Variants in CLVS1 observed in about 807,000 individuals in gnomAD.
The protein encoded by CLVS1 is clavesin-1.
In CLVS1, 10 loss-of-function variants were observed where a neutral mutation model predicts 33.1. The observed-to-expected ratio is 0.30, with a 90% CI of 0.19 to 0.51. The LOEUF (loss-of-function observed/expected upper bound fraction) is 0.51, where lower values mean the gene tolerates loss of function less well. CLVS1 is among the 20% of genes least tolerant of loss of function. The probability of loss-of-function intolerance (pLI) is 0.97; values close to 1 mark genes in which losing one functional copy is unlikely to be tolerated. For synonymous variants in CLVS1, 163 were observed against 166.1 expected (o/e 0.98, Z 0.14); for missense variants, 343 against 433.4 (o/e 0.79, Z 1.85).
At chr8:61,313,535 A>G (rs1390035596) in intron 2 of CLVS1, among the ~76,000 whole-genome samples, 1 of 152,174 alleles carries the variant, frequency 6.6e-6, no homozygotes, top group Non-Finnish European at 1.5e-5. Flanking sequence ...AGGAGGGATC[A>G]ATGCTGCCTC....
chr8:61,254,458 G>A lies in CLVS1; in HGVS notation c.-151-45219G>A, dbSNP rs374077886. ...ACTCTCTTCAAAGCTGTCAGACAGG[G>A]ACATTTAAGTCTGCAGAGGTTTCTG... On this transcript the variant is annotated intron_variant, in intron 2 of 2. Transcript: ENST00000522621. Among the ~76,000 whole-genome samples, 296 of 152,314 alleles carry A rather than the reference G, an allele frequency of 1.9e-3. 1 individual carries two copies. Among genetic ancestry groups the A allele is most frequent in the South Asian group, 0.015 (73 of 4,824 alleles).
intron 2 of CLVS1, among the ~76,000 whole-genome samples, chr8:61,164,729 G>A (rs1026769285): frequency 6.6e-6 from 1 of 152,110 alleles, no homozygotes; most frequent in Non-Finnish European, 1.5e-5. Flanking sequence ...TTTTCTCTTT[G>A]TTGGAATCCC....
the CLVS1 span, among the ~76,000 whole-genome samples, chr8:60,987,685 A>C: frequency 6.6e-6 from 1 of 152,222 alleles, no homozygotes; most frequent in Non-Finnish European, 1.5e-5. Flanking sequence ...GATATCAGGC[A>C]CTGAGCACAG....
the CLVS1 span, among the ~76,000 whole-genome samples, chr8:61,006,102 G>A: frequency 8.3e-4 from 127 of 152,230 alleles, no homozygotes; most frequent in African/African-American, 2.9e-3. Flanking sequence ...AATAAATAGC[G>A]CCTCTTCTCT....
intron 1 of CLVS1, among the ~76,000 whole-genome samples, chr8:61,074,803 A>G (rs1441383655): frequency 6.6e-6 from 1 of 152,176 alleles, no homozygotes; most frequent in Admixed American, 6.5e-5. Flanking sequence ...AAAGATGAAT[A>G]TAAAGTGCCT....
chr8:61,493,549 C>G (rs1804170276), intron 5 of CLVS1, among the ~76,000 whole-genome samples: 1 of 152,180 alleles, frequency 6.6e-6, no homozygotes, highest in South Asian at 2.1e-4. Context: ...CCCAAGATCA[C>G]AAAGCAAGTG....
the CLVS1 span, among the ~76,000 whole-genome samples, chr8:61,043,673 T>C: frequency 1.3e-5 from 2 of 152,208 alleles, no homozygotes; most frequent in Admixed American, 6.5e-5. Context: ...GTCCCAGGTA[T>C]ATGTTGATTC....
At position 61,339,472 on chromosome 8, in the gene CLVS1, G is replaced by A. The variant is rs148695169; in HGVS notation, c.456-37133G>A. Among the ~76,000 whole-genome samples the A allele has an allele frequency of 6.1e-4, 93 of 152,276 alleles. No individual in the cohort carries two copies. In the East Asian group the frequency reaches 0.016, roughly 26 times the overall value. On this transcript the variant is annotated intron_variant, in intron 2 of 5. Coordinates refer to ENST00000325897, the MANE Select transcript of CLVS1 (RefSeq NM_173519.3). ...AGCAGCTGTGAGAGGCATGCAAGTGGCCCAGCCCAGAGCTGGGCCTGTGAG... is the reference window on the plus strand; with the variant it reads ...AGCAGCTGTGAGAGGCATGCAAGTGACCCAGCCCAGAGCTGGGCCTGTGAG...
intron 1 of CLVS1, among the ~76,000 whole-genome samples, chr8:61,123,586 TA>T (rs1051293480): frequency 6.6e-6 from 1 of 152,264 alleles, no homozygotes; most frequent in African/African-American, 2.4e-5. Flanking sequence ...TAACTATAAA[TA>T]TTTTTTTCTT....
chr8:61,021,998 T>G, the CLVS1 span, among the ~76,000 whole-genome samples: 1 of 152,266 alleles, frequency 6.6e-6, no homozygotes, highest in Admixed American at 6.5e-5. Context: ...TTTTGTTTTC[T>G]GTTCCTGTGT....
chr8:61,018,301 A>C, the CLVS1 span, among the ~76,000 whole-genome samples: 1 of 152,192 alleles, frequency 6.6e-6, no homozygotes, highest in Admixed American at 6.5e-5. Flanking sequence ...GTCGCTTATA[A>C]TTTAATGTGA....
intron 5 of CLVS1, among the ~76,000 whole-genome samples, chr8:61,486,638 G>A (rs1195245509): frequency 6.6e-6 from 1 of 152,116 alleles, no homozygotes. Flanking sequence ...ATCAATAGCA[G>A]AAAGGAAGCG....
chr8:61,340,716 G>T (rs988159116), intron 2 of CLVS1, among the ~76,000 whole-genome samples: 2 of 152,180 alleles, frequency 1.3e-5, no homozygotes, highest in African/African-American at 4.8e-5. Flanking sequence ...GGATGGCTGG[G>T]TCATGTGGTA....
intron 3 of CLVS1, among the ~76,000 whole-genome samples, chr8:61,418,510 A>T (rs1286500532): frequency 1.3e-5 from 2 of 152,216 alleles, no homozygotes; most frequent in Non-Finnish European, 2.9e-5. Context: ...ACATTCTATT[A>T]CTAATGTATA....
At chr8:61,226,191 C>A (rs1352497857) in intron 2 of CLVS1, among the ~76,000 whole-genome samples, 1 of 152,134 alleles carries the variant, frequency 6.6e-6, no homozygotes, top group Non-Finnish European at 1.5e-5. Context: ...AGCAGAGATG[C>A]ATACTGAAGT....
intron 1 of CLVS1, among the ~76,000 whole-genome samples, chr8:61,109,805 G>A (rs1306014109): frequency 2.0e-5 from 3 of 152,152 alleles, no homozygotes; most frequent in African/African-American, 7.2e-5. Flanking sequence ...ATAAGAAGAG[G>A]AGGAGAGGCC....
At chr8:60,987,188 G>A in the CLVS1 span, among the ~76,000 whole-genome samples, 1 of 152,348 alleles carries the variant, frequency 6.6e-6, no homozygotes, top group Admixed American at 6.5e-5. Flanking sequence ...GGAGCCGGGA[G>A]GGGAGCCACA....
At chr8:61,136,907 T>C (rs1384132359) in intron 2 of CLVS1, among the ~76,000 whole-genome samples, 2 of 152,218 alleles carry the variant, frequency 1.3e-5, no homozygotes, top group African/African-American at 4.8e-5. Context: ...TTGTGATGAT[T>C]GATTTAGATC....
intron 2 of CLVS1, among the ~76,000 whole-genome samples, chr8:61,155,129 C>A (rs888248441): frequency 6.6e-6 from 1 of 152,162 alleles, no homozygotes; most frequent in African/African-American, 2.4e-5. Context: ...GAGCAAACTG[C>A]ATGTTAAGTA....
Sources: gnomAD v4.1 joint callset for allele counts (sites outside exome capture counted in the v4.1 genomes callset) on GRCh38, gnomAD v4.1.1 for gene constraint, MANE v1.5 for transcripts, NCBI Gene and HGNC (gene_info 2026-07-23, HGNC 2026-07-21) for gene names.